The following ZNF320 variants were observed in gnomAD, a reference collection of about 807,000 sequenced individuals.
ZNF320 encodes zinc finger protein 320.
ZNF320 carries 2 observed loss-of-function variants against 6.8 expected under a neutral mutation model. The observed-to-expected ratio is 0.29, with a 90% CI of 0.12 to 0.93. The LOEUF (loss-of-function observed/expected upper bound fraction) is 0.93. Ranked by LOEUF, ZNF320 falls within the 40% of genes least tolerant of loss-of-function variation. The pLI is 0.55. For synonymous variants in ZNF320, 208 were observed against 203.2 expected, an observed-to-expected ratio of 1.02 and a Z score of -0.20; for missense variants, 472 against 611.0, an observed-to-expected ratio of 0.77 and a Z score of 2.40.
chr19:52,892,967 CA>C (rs2064355816), intron 2 of ZNF320, among the ~76,000 whole-genome samples: 1 of 152,110 alleles, frequency 6.6e-6, no homozygotes. Context: ...CTTTTCTCTA[CA>C]TTTCTCCAGT....
At chr19:52,875,840 C>G (rs1201574949), downstream of ZNF320, among the ~76,000 whole-genome samples, 1 of 152,038 alleles carries the variant, frequency 6.6e-6, no homozygotes, top group Admixed American at 6.6e-5. Context: ...TGAAATGTCT[C>G]TTTCAATGTC....
rs71361283 is a variant in ZNF320, at chr19:52,887,117, T to C, written c.142+1010A>G. ...TCAGAGATCTCAGGATTGAAACTTT[T>C]CTTTTGCCACAGAATTCTCCCACTT... On this transcript the variant is annotated intron_variant, in intron 5 of 5. Transcript: ENST00000682928. 7.5e-3 allele frequency among the ~76,000 whole-genome samples: 1,149 copies of C among 152,308 alleles called. 12 individuals are homozygous for C. The highest frequency in any genetic ancestry group is 9.4e-3 in the Non-Finnish European group (637 of 68,026).
chr19:52,883,723 C>A (rs2063992987), intron 5 of ZNF320: 1 of 382,592 alleles, frequency 2.6e-6, no homozygotes, highest in Non-Finnish European at 5.2e-6. Flanking sequence ...AATGGTAAAA[C>A]CCCATCTCTA....
At chr19:52,874,743 C>A (rs1406716057), downstream of ZNF320, among the ~76,000 whole-genome samples, 1 of 152,084 alleles carries the variant, frequency 6.6e-6, no homozygotes, top group East Asian at 1.9e-4. Context: ...GCTGTCATGT[C>A]ATATGGGGGC....
chr19:52,871,725 C>T (rs2063684232), downstream of ZNF320, among the ~76,000 whole-genome samples: 1 of 152,096 alleles, frequency 6.6e-6, no homozygotes, highest in South Asian at 2.1e-4. Context: ...GCTCTAGGTG[C>T]TTAAAACACT....
intron 5 of ZNF320, among the ~76,000 whole-genome samples, chr19:52,885,720 AAAAT>A (rs2064055884): frequency 6.6e-6 from 1 of 151,720 alleles, no homozygotes; most frequent in Non-Finnish European, 1.5e-5. Context: ...CTGTCTCAAA[AAAAT>A]AAATAAATAA....
chr19:52,896,377 C>A (rs1428718197), intron 1 of ZNF320, among the ~76,000 whole-genome samples: 3 of 152,202 alleles, frequency 2.0e-5, no homozygotes, highest in African/African-American at 7.2e-5. Context: ...AGGCATGAGC[C>A]ATTGCACACG....
At chr19:52,866,580 C>T (rs2063576480) in intron 5 of ZNF320, among the ~76,000 whole-genome samples, 1 of 151,984 alleles carries the variant, frequency 6.6e-6, no homozygotes, top group Non-Finnish European at 1.5e-5. Context: ...CAGAACAAAA[C>T]ATTTATCATG....
chr19:52,866,072 A>ATATGATTATACATATATTTATG, intron 5 of ZNF320, among the ~76,000 whole-genome samples: 1 of 112,964 alleles, frequency 8.9e-6, no homozygotes, highest in South Asian at 2.5e-4. Context: ...ATATTTATAT[A>ATATGATTATACATATATTTATG]TATGATTATA....
downstream of ZNF320, among the ~76,000 whole-genome samples, chr19:52,875,797 A>G (rs2063755524): frequency 6.6e-6 from 1 of 152,082 alleles, no homozygotes; most frequent in Non-Finnish European, 1.5e-5. Flanking sequence ...GAAAAAAAAA[A>G]AATTCCAGGA....
chr19:52,864,887 C>T (rs1286393427), intron 5 of ZNF320, among the ~76,000 whole-genome samples: 1 of 151,948 alleles, frequency 6.6e-6, no homozygotes, highest in Non-Finnish European at 1.5e-5. Context: ...GTGGCAGGCA[C>T]CTGTAGTCCC....
exon 6 of ZNF320, chr19:52,862,376 C>T: frequency 2.0e-6 from 1 of 498,968 alleles, no homozygotes; most frequent in South Asian, 1.5e-5. Flanking sequence ...TATGAATTCA[C>T]CTATGTCTTT....
chr19:52,893,788 G>A lies in ZNF320; in HGVS notation c.-201C>T, dbSNP rs2064386090. 6.6e-6 allele frequency: 1 copy of A among 152,196 alleles called. No individual in the cohort carries two copies. Among genetic ancestry groups the A allele is most frequent in the African/African-American group, 2.4e-5 (1 of 41,424 alleles). The allele number at this position is 152,196 out of a possible 1,614,324, so 9.4% of individuals were successfully genotyped here. ...AACCAAAGCTACTCACCAGGCTGAG[G>A]TGGGAGAATTGCTTGAGCCCGGAGA... On this transcript the variant is annotated 5_prime_UTR_variant, in exon 2 of 6. Transcript: ENST00000682928.
the ZNF320 span, among the ~76,000 whole-genome samples, chr19:52,903,991 T>G: frequency 6.6e-6 from 1 of 150,980 alleles, no homozygotes; most frequent in East Asian, 2.0e-4. Context: ...AAGACTAGTC[T>G]TACTAAGTAA....
downstream of ZNF320, among the ~76,000 whole-genome samples, chr19:52,873,200 C>T (rs2063710757): frequency 6.6e-6 from 1 of 152,184 alleles, no homozygotes; most frequent in Admixed American, 6.5e-5. Flanking sequence ...TCAGCACAGG[C>T]CCTTGTCGGG....
intron 5 of ZNF320, among the ~76,000 whole-genome samples, chr19:52,867,413 G>T (rs1214060279): frequency 1.3e-5 from 2 of 151,946 alleles, no homozygotes; most frequent in Non-Finnish European, 1.5e-5. Context: ...GGCCAGGCTG[G>T]TCTTGAACTC....
chr19:52,868,304 C>T lies in ZNF320; in HGVS notation c.224-4145G>A, dbSNP rs55841939. On this transcript the variant is annotated intron_variant, in intron 5 of 5. Coordinates refer to the ZNF320 transcript ENST00000673631. ...GGTGGATCACCTGAGGTCGGGAGTT[C>T]GAGAGCAGTCTGACTGACATGGAAA... Among the ~76,000 whole-genome samples, 7 of 151,964 alleles carry T rather than the reference C, an allele frequency of 4.6e-5. No individual in the cohort carries two copies. In the East Asian group the frequency reaches 5.8e-4, roughly 13 times the overall value.
In ZNF320 at chr19:52,865,475, T is replaced by TATATGTAATAC. The variant is rs1568692746; in HGVS notation, c.224-1317_224-1316insGTATTACATAT. On this transcript the variant is annotated intron_variant, in intron 5 of 5. Coordinates refer to the ZNF320 transcript ENST00000673631. ...ATGTAATACATATATATATATTACA[T>TATATGTAATAC]ATATATATAATACATATATATTATA... is the stretch of plus-strand genomic sequence containing the variant. 2.4e-3 allele frequency: 95 copies of TATATGTAATAC among 40,304 alleles called. 2 individuals are homozygous for TATATGTAATAC. The highest frequency in any genetic ancestry group is 9.7e-3 in the African/African-American group (89 of 9,174). 2.5% of individuals were successfully genotyped at this position (40,304 alleles called of 1,614,324 possible). A position where few individuals can be genotyped will look rare whatever the true frequency, so the allele number is the denominator to read the frequency against.
At chr19:52,874,606 C>G (rs1009713747), downstream of ZNF320, among the ~76,000 whole-genome samples, 4 of 152,222 alleles carry the variant, frequency 2.6e-5, no homozygotes, top group Non-Finnish European at 5.9e-5. Flanking sequence ...CAGCCTAGCA[C>G]AGCCCCACCT....
Sources: allele counts gnomAD v4.1 joint callset (sites outside exome capture counted in the v4.1 genomes callset), GRCh38; gene constraint gnomAD v4.1.1; transcripts MANE v1.5; gene names NCBI Gene and HGNC (gene_info 2026-07-23, HGNC 2026-07-21).